Variants in SMAP1 observed in about 807,000 individuals in gnomAD.
SMAP1 encodes the protein small ArfGAP 1, also known as stromal membrane-associated protein 1.
Under a neutral mutation model 58.5 loss-of-function variants are expected in SMAP1, and 24 were observed. The ratio of observed to expected loss-of-function variants is 0.41; its 90% CI spans 0.30 to 0.58. SMAP1 has a LOEUF of 0.58. Among genes scored for constraint, SMAP1 ranks in the 20% least tolerant of loss-of-function variants. The pLI is 0.29. For missense variants in SMAP1, 563 were observed against 566.3 expected, an observed-to-expected ratio of 0.99 and a Z score of 0.06; for synonymous variants, 216 against 196.6, an observed-to-expected ratio of 1.10 and a Z score of -0.82.
chr6:70,859,571 T>C (rs1396862512), intron 10 of SMAP1: 2 of 473,630 alleles, frequency 4.2e-6, no homozygotes, highest in African/African-American at 4.0e-5. Flanking sequence ...ACTCACTATA[T>C]GGTAAATCTT....
chr6:70,811,561 C>T (rs570423557), intron 6 of SMAP1, among the ~76,000 whole-genome samples: 1 of 139,662 alleles, frequency 7.2e-6, no homozygotes, highest in African/African-American at 2.6e-5. Flanking sequence ...GCTCCAGGAC[C>T]CCACCCCTGC....
At chr6:70,821,811 T>A (rs1769903373) in intron 6 of SMAP1, among the ~76,000 whole-genome samples, 1 of 152,204 alleles carries the variant, frequency 6.6e-6, no homozygotes, top group African/African-American at 2.4e-5. Flanking sequence ...TAACACTTGC[T>A]TATTATCAAA....
intron 4 of SMAP1, among the ~76,000 whole-genome samples, chr6:70,783,415 G>A (rs763661430): frequency 6.6e-6 from 1 of 152,208 alleles, no homozygotes; most frequent in African/African-American, 2.4e-5. Context: ...CCAAAGGAAC[G>A]CAGTTCCTCA....
chr6:70,767,039 C>G (rs1417650404), intron 3 of SMAP1, among the ~76,000 whole-genome samples: 2 of 152,012 alleles, frequency 1.3e-5, no homozygotes, highest in African/African-American at 4.8e-5. Flanking sequence ...TCAGGTTTGT[C>G]AAAGATCAGA....
chr6:70,799,745 T>C (rs1768766065), intron 6 of SMAP1, among the ~76,000 whole-genome samples: 1 of 152,202 alleles, frequency 6.6e-6, no homozygotes, highest in African/African-American at 2.4e-5. Context: ...TTTGAAACTT[T>C]TGTATATGGA....
intron 4 of SMAP1, among the ~76,000 whole-genome samples, chr6:70,778,510 T>A (rs979750125): frequency 3.3e-5 from 5 of 152,234 alleles, no homozygotes; most frequent in Non-Finnish European, 5.9e-5. Flanking sequence ...TGTATCACAT[T>A]TATTGATTTG....
intron 1 of SMAP1, among the ~76,000 whole-genome samples, chr6:70,708,633 CTTGTCTTCTT>C (rs1767934860): frequency 6.6e-6 from 1 of 152,116 alleles, no homozygotes; most frequent in Non-Finnish European, 1.5e-5. Context: ...CTTGTTATCT[CTTGTCTTCTT>C]GATAATAGCC....
At chr6:70,718,908 CTTG>C (rs1171314011) in intron 1 of SMAP1, among the ~76,000 whole-genome samples, 1 of 148,114 alleles carries the variant, frequency 6.8e-6, no homozygotes, top group Non-Finnish European at 1.5e-5. Flanking sequence ...AAAGTCCTTT[CTTG>C]TTTTTCTCAT....
chr6:70,742,805 C>T (rs1250273024), intron 2 of SMAP1, among the ~76,000 whole-genome samples: 1 of 152,122 alleles, frequency 6.6e-6, no homozygotes, highest in African/African-American at 2.4e-5. Flanking sequence ...GGAGGCCTCA[C>T]AATCATGGCA....
At chr6:70,671,496 GGAGGCGGA>G (rs754841502) in intron 1 of SMAP1, among the ~76,000 whole-genome samples, 1 of 152,124 alleles carries the variant, frequency 6.6e-6, no homozygotes, top group Non-Finnish European at 1.5e-5. Flanking sequence ...CTTGAACCTG[GGAGGCGGA>G]GAGGCGGAGG....
chr6:70,691,997 G>A (rs567661777), intron 1 of SMAP1, among the ~76,000 whole-genome samples: 7 of 152,206 alleles, frequency 4.6e-5, no homozygotes, highest in East Asian at 1.9e-4. Flanking sequence ...TTGCTGGATC[G>A]TATGGTAGGT....
At chr6:70,766,780 G>T (rs1485476918) in intron 3 of SMAP1, among the ~76,000 whole-genome samples, 39 of 152,154 alleles carry the variant, frequency 2.6e-4, no homozygotes. Context: ...TTTGTCTTTT[G>T]TTGCCATTGC....
chr6:70,772,584 G>A (rs2149913845), intron 3 of SMAP1, among the ~76,000 whole-genome samples: 1 of 152,244 alleles, frequency 6.6e-6, no homozygotes, highest in Admixed American at 6.5e-5. Context: ...AATATGATGA[G>A]TGGTAAGAGA....
At chr6:70,708,779 A>G (rs9354937) in intron 1 of SMAP1, among the ~76,000 whole-genome samples, 21,449 of 152,056 alleles carry the variant, frequency 0.14, 2,848 homozygotes, top group East Asian at 0.54. Context: ...AAAAATGTCT[A>G]TTCAGGTCCT....
chr6:70,752,210 A>G (rs1766307969), intron 2 of SMAP1, among the ~76,000 whole-genome samples: 1 of 152,186 alleles, frequency 6.6e-6, no homozygotes, highest in African/African-American at 2.4e-5. Context: ...AAATCATACA[A>G]CCTCTTTGTG....
intron 8 of SMAP1, among the ~76,000 whole-genome samples, chr6:70,853,231 A>G (rs1307345253): frequency 6.6e-6 from 1 of 152,128 alleles, no homozygotes; most frequent in Non-Finnish European, 1.5e-5. Context: ...TTAAAAATCT[A>G]GAACAGTAAT....
intron 2 of SMAP1, among the ~76,000 whole-genome samples, chr6:70,741,781 T>C (rs945719102): frequency 4.6e-5 from 7 of 152,186 alleles, no homozygotes; most frequent in African/African-American, 1.7e-4. Context: ...GCAACAAACT[T>C]CTGTTTGGAC....
chr6:70,718,619 A>G (rs953179130), intron 1 of SMAP1, among the ~76,000 whole-genome samples: 2 of 152,096 alleles, frequency 1.3e-5, no homozygotes, highest in African/African-American at 4.8e-5. Flanking sequence ...CAGGAGTTGG[A>G]GACCAGCCTG....
chr6:70,763,105 A>C (rs1449360576), intron 3 of SMAP1, among the ~76,000 whole-genome samples: 1 of 56,542 alleles, frequency 1.8e-5, no homozygotes, highest in South Asian at 5.9e-4. Flanking sequence ...TACAGATATT[A>C]CTTTTTTTTT....
Sources: allele counts gnomAD v4.1 joint callset (sites outside exome capture counted in the v4.1 genomes callset), GRCh38; gene constraint gnomAD v4.1.1; transcripts MANE v1.5; gene names NCBI Gene and HGNC (gene_info 2026-07-23, HGNC 2026-07-21).